Variants in JAK2 observed in about 807,000 individuals in gnomAD.
JAK2 encodes the protein Janus kinase 2, also known as tyrosine-protein kinase JAK2.
A neutral mutation model predicts 139.3 loss-of-function variants in JAK2; 86 were observed. The observed-to-expected ratio is 0.62, with a 90% CI of 0.52 to 0.74. JAK2 has a LOEUF of 0.74. JAK2 is among the 30% of genes least tolerant of loss of function. The probability of loss-of-function intolerance (pLI) is 0.00; values close to 1 mark genes in which losing one functional copy is unlikely to be tolerated. For synonymous variants in JAK2, 490 were observed against 437.7 expected (o/e 1.12, Z -1.49); for missense variants, 1,421 against 1,360.3 (o/e 1.04, Z -0.70).
At chr9:5,017,710 T>C (rs1367927839) in intron 2 of JAK2, among the ~76,000 whole-genome samples, 1 of 152,260 alleles carries the variant, frequency 6.6e-6, no homozygotes, top group Non-Finnish European at 1.5e-5. Context: ...TTATGTATTT[T>C]TGAATAAATT....
chr9:5,093,176 AT>A (rs1563997297), intron 22 of JAK2, among the ~76,000 whole-genome samples: 2 of 152,324 alleles, frequency 1.3e-5, no homozygotes, highest in Non-Finnish European at 1.5e-5. Flanking sequence ...ACAGCTAGAT[AT>A]TTTACAATAA....
intron 2 of JAK2, among the ~76,000 whole-genome samples, chr9:5,010,894 A>G (rs868407398): frequency 6.6e-6 from 1 of 152,194 alleles, no homozygotes; most frequent in South Asian, 2.1e-4. Flanking sequence ...TAGTATGAGA[A>G]TTATTTTTCA....
chr9:5,054,993 T>G lies in JAK2; in HGVS notation c.936+109T>G. 1.3e-6 allele frequency: 1 copy of G among 771,342 alleles called. No individual in the cohort carries two copies. Among genetic ancestry groups the G allele is most frequent in the Non-Finnish European group, 2.0e-6 (1 of 494,368 alleles). 47.8% of individuals were successfully genotyped at this position (771,342 alleles called of 1,614,324 possible). A position where few individuals can be genotyped will look rare whatever the true frequency, so the allele number is the denominator to read the frequency against. On this transcript the variant is annotated intron_variant, in intron 7 of 24. Transcript: ENST00000381652. The surrounding 1 kb of genome is among the most constrained non-coding windows in gnomAD (Gnocchi z 4.9). ...ATGGTATTGCACTTCTCCCATTTGATAGAAGTGGAAGTTTTTAATAGCGTG... is the reference window on the plus strand; with the variant it reads ...ATGGTATTGCACTTCTCCCATTTGAGAGAAGTGGAAGTTTTTAATAGCGTG...
At chr9:4,992,656 A>T (rs1820324762) in intron 2 of JAK2, among the ~76,000 whole-genome samples, 2 of 152,168 alleles carry the variant, frequency 1.3e-5, no homozygotes, top group South Asian at 4.1e-4. Flanking sequence ...AGGTCCAGGT[A>T]CAGAATAGTT....
At chr9:5,007,818 C>A (rs542860147) in intron 2 of JAK2, among the ~76,000 whole-genome samples, 1 of 151,934 alleles carries the variant, frequency 6.6e-6, no homozygotes, top group Non-Finnish European at 1.5e-5. Flanking sequence ...ATCTCTGCCT[C>A]CCAGGTTCAA....
intron 15 of JAK2, 79 bp downstream of exon 15, chr9:5,077,659 A>G (rs1819398311): frequency 1.1e-6 from 1 of 924,392 alleles, no homozygotes; most frequent in Admixed American, 3.3e-5. Flanking sequence ...ACCTGGAAAC[A>G]AAAAATAAAT....
intron 2 of JAK2, among the ~76,000 whole-genome samples, chr9:4,999,748 G>A (rs1820818116): frequency 6.6e-6 from 1 of 152,160 alleles, no homozygotes; most frequent in African/African-American, 2.4e-5. Context: ...CGTGCCTGGT[G>A]TACATCATTT....
At chr9:5,118,879 A>C (rs1429991883) in intron 22 of JAK2, among the ~76,000 whole-genome samples, 2 of 152,196 alleles carry the variant, frequency 1.3e-5, no homozygotes, top group Non-Finnish European at 2.9e-5. Flanking sequence ...CTTGACTTTC[A>C]AAAATGAGTT....
chr9:5,013,177 C>G (rs1821811172), intron 2 of JAK2, among the ~76,000 whole-genome samples: 1 of 151,894 alleles, frequency 6.6e-6, no homozygotes, highest in Non-Finnish European at 1.5e-5. Flanking sequence ...GAAAACAACC[C>G]AAAGCACTTT....
chr9:5,055,805 A>G lies in JAK2; in HGVS notation c.1056+17A>G, dbSNP rs371034543. The G allele has an allele frequency of 3.1e-6, 5 of 1,599,602 alleles. No individual in the cohort carries two copies. In the African/African-American group the frequency reaches 6.7e-5, roughly 21 times the overall value. ...AAAAATCTGGTAAGTTTGCTTTATGATTGAATAATGGTTTCATTTTATAGT... is the reference window on the plus strand; with the variant it reads ...AAAAATCTGGTAAGTTTGCTTTATGGTTGAATAATGGTTTCATTTTATAGT... On this transcript the variant is annotated intron_variant, in intron 8 of 24. Transcript: ENST00000381652.
chr9:5,090,889 C>T lies in JAK2; in HGVS notation c.3037C>T (p.Pro1013Ser), dbSNP rs774138621. The change falls in exon 22 of 25, where the codon CCT becomes TCT. Residue 1013 changes from proline (P) to serine (S), a missense_variant. Pro to Ser is a moderately conservative substitution (Grantham distance 74). Coordinates refer to ENST00000381652, the MANE Select transcript of JAK2 (RefSeq NM_004972.4). ...QDKEYYKVKE[P>S]GESPIFWYAP... ...CAAAGAATACTATAAAGTAAAAGAA[C>T]CTGGTGAAAGTCCCATATTCTGGTG... 6.9e-6 allele frequency: 11 copies of T among 1,604,914 alleles called. No individual in the cohort carries two copies. The highest frequency in any genetic ancestry group is 9.3e-6 in the Non-Finnish European group (11 of 1,177,066).
chr9:5,079,129 T>C (rs931889841), intron 16 of JAK2, among the ~76,000 whole-genome samples: 1 of 152,190 alleles, frequency 6.6e-6, no homozygotes, highest in African/African-American at 2.4e-5. Context: ...GTGAAGACAG[T>C]GATAACTGGG....
chr9:4,992,658 A>G (rs771566375), intron 2 of JAK2, among the ~76,000 whole-genome samples: 1 of 152,186 alleles, frequency 6.6e-6, no homozygotes, highest in Non-Finnish European at 1.5e-5. Flanking sequence ...GTCCAGGTAC[A>G]GAATAGTTTT....
At chr9:5,099,868 G>C (rs1182132877) in intron 22 of JAK2, 1 of 152,146 alleles carries the variant, frequency 6.6e-6, no homozygotes, top group Non-Finnish European at 1.5e-5. Flanking sequence ...CCTGGGTATA[G>C]CAATCCCCCT....
At chr9:5,073,978 A>G (rs1393228640) in intron 14 of JAK2, among the ~76,000 whole-genome samples, 193 bp downstream of exon 14, 2 of 152,204 alleles carry the variant, frequency 1.3e-5, no homozygotes, top group African/African-American at 2.4e-5. Context: ...AATGAAGTTA[A>G]AAGTAGAAGG....
At chr9:5,075,455 G>A (rs183564450) in intron 14 of JAK2, among the ~76,000 whole-genome samples, 33 of 152,264 alleles carry the variant, frequency 2.2e-4, no homozygotes, top group Admixed American at 6.5e-4. Context: ...TCAAACCAGC[G>A]CTCATTTACC....
chr9:5,040,699 G>T (rs1368373171), intron 4 of JAK2, among the ~76,000 whole-genome samples: 1 of 152,258 alleles, frequency 6.6e-6, no homozygotes, highest in Admixed American at 6.5e-5. Context: ...TGGCCAAAAA[G>T]CATGTAAAAA....
intron 8 of JAK2, among the ~76,000 whole-genome samples, chr9:5,061,358 A>G (rs1227418261): frequency 6.6e-6 from 1 of 152,232 alleles, no homozygotes; most frequent in Non-Finnish European, 1.5e-5. Context: ...TTTTGTTTAC[A>G]TTTGAAAATC....
At chr9:5,021,482 A>C (rs530192689) in intron 2 of JAK2, among the ~76,000 whole-genome samples, 3 of 152,326 alleles carry the variant, frequency 2.0e-5, no homozygotes, top group Admixed American at 6.5e-5. Flanking sequence ...TTTAAAATGT[A>C]TGATTTCTTG....
Sources: gnomAD v4.1 joint callset for allele counts (sites outside exome capture counted in the v4.1 genomes callset) on GRCh38, gnomAD v4.1.1 for gene constraint, Gnocchi (gnomAD v3.1) non-coding constraint, MANE v1.5 for transcripts, NCBI Gene and HGNC (gene_info 2026-07-23, HGNC 2026-07-21) for gene names.